Variants in UBL3 observed in about 807,000 individuals in gnomAD.
UBL3 encodes the protein ubiquitin like 3.
Under a neutral mutation model 18.4 loss-of-function variants are expected in UBL3, and 6 were observed. The observed-to-expected ratio is 0.33, with a 90% CI of 0.18 to 0.64. UBL3 has a LOEUF of 0.64. Among genes scored for constraint, UBL3 ranks in the 30% least tolerant of loss-of-function variants. The pLI is 0.76. For synonymous variants in UBL3, 49 were observed against 46.6 expected, an observed-to-expected ratio of 1.05 and a Z score of -0.21; for missense variants, 109 against 142.9, an observed-to-expected ratio of 0.76 and a Z score of 1.21.
intron 1 of UBL3, among the ~76,000 whole-genome samples, chr13:29,808,068 T>G (rs1877942947): frequency 6.6e-6 from 1 of 152,182 alleles, no homozygotes; most frequent in South Asian, 2.1e-4. Context: ...GAGGAAATTC[T>G]CAAAGCCTCT....
At chr13:29,789,341 TTTATG>T (rs752142061) in intron 1 of UBL3, among the ~76,000 whole-genome samples, 8 of 152,216 alleles carry the variant, frequency 5.3e-5, no homozygotes, top group Non-Finnish European at 1.0e-4. Flanking sequence ...GATGGTACAC[TTTATG>T]TTATATGTAT....
chr13:29,839,919 TC>T (rs1176834170), intron 1 of UBL3, among the ~76,000 whole-genome samples: 4 of 133,604 alleles, frequency 3.0e-5, no homozygotes, highest in African/African-American at 1.2e-4. Context: ...AGAGTGAGAC[TC>T]CGTCTCGGGG....
chr13:29,841,895 GT>G (rs1879110121), intron 1 of UBL3, among the ~76,000 whole-genome samples: 1 of 152,092 alleles, frequency 6.6e-6, no homozygotes. Context: ...CAGGTAAAAA[GT>G]TTTTCCTATG....
rs574144951 is a variant in UBL3 at position 29,769,892 on chromosome 13, G to A, written c.224-2197C>T. On this transcript the variant is annotated intron_variant, in intron 3 of 4. Transcript: ENST00000380680. ...GGCTTCCTACTTTGTCTGCATAATG[G>A]CTGAATTCCACCCATGGCTGTATAC... Among the ~76,000 whole-genome samples the A allele has an allele frequency of 3.1e-4, 47 of 152,130 alleles. 1 individual carries two copies. The South Asian group carries it at 4.6e-3, about 15-fold the overall frequency.
At chr13:29,773,711 G>C (rs1876908018) in intron 2 of UBL3, among the ~76,000 whole-genome samples, 1 of 151,970 alleles carries the variant, frequency 6.6e-6, no homozygotes, top group Non-Finnish European at 1.5e-5. Context: ...CTAAAATTTA[G>C]AGAAATCTTA....
chr13:29,798,699 T>C (rs1877679695), intron 1 of UBL3, among the ~76,000 whole-genome samples: 1 of 152,242 alleles, frequency 6.6e-6, no homozygotes, highest in Admixed American at 6.5e-5. Context: ...TAAGTAGTCA[T>C]ACTTGCAACA....
chr13:29,800,956 T>C (rs1877745981), intron 1 of UBL3, among the ~76,000 whole-genome samples: 1 of 152,162 alleles, frequency 6.6e-6, no homozygotes, highest in Non-Finnish European at 1.5e-5. Flanking sequence ...CAGACTGTTT[T>C]CCATATGGAT....
intron 1 of UBL3, among the ~76,000 whole-genome samples, chr13:29,824,283 ACT>A (rs1362527621): frequency 2.0e-5 from 3 of 152,198 alleles, no homozygotes; most frequent in African/African-American, 7.2e-5. Flanking sequence ...GAATCACCAC[ACT>A]GTCTTCCACA....
intron 1 of UBL3, among the ~76,000 whole-genome samples, chr13:29,825,920 T>C (rs574652269): frequency 6.6e-6 from 1 of 152,248 alleles, no homozygotes; most frequent in Non-Finnish European, 1.5e-5. Context: ...TGTTGAATTT[T>C]GTCAAAGGCC....
chr13:29,831,708 GA>G (rs762653271), intron 1 of UBL3, among the ~76,000 whole-genome samples: 14 of 140,422 alleles, frequency 1.0e-4, no homozygotes, highest in South Asian at 4.6e-4. Flanking sequence ...CTTAATGATA[GA>G]AAAAAAAAGA....
chr13:29,775,235 T>C (rs1360144885), intron 2 of UBL3, among the ~76,000 whole-genome samples: 4 of 152,218 alleles, frequency 2.6e-5, no homozygotes, highest in African/African-American at 9.6e-5. Flanking sequence ...TCTGAATCAA[T>C]CTTTTTTAGT....
At chr13:29,835,836 G>A (rs1254288640) in intron 1 of UBL3, among the ~76,000 whole-genome samples, 1 of 149,822 alleles carries the variant, frequency 6.7e-6, no homozygotes, top group Non-Finnish European at 1.5e-5. Context: ...GATAGGGCTT[G>A]TAGCATGTTT....
chr13:29,848,987 A>C (rs1194683123), intron 1 of UBL3, among the ~76,000 whole-genome samples: 1 of 152,240 alleles, frequency 6.6e-6, no homozygotes, highest in African/African-American at 2.4e-5. Context: ...TTCTGTTGCC[A>C]TCCGTATTCA....
chr13:29,805,950 C>G (rs1877887286), intron 1 of UBL3, among the ~76,000 whole-genome samples: 1 of 152,112 alleles, frequency 6.6e-6, no homozygotes, highest in Admixed American at 6.5e-5. Context: ...CCAAGGTGGG[C>G]AGATCACCTG....
chr13:29,834,198 AAAG>A (rs1431028673), intron 1 of UBL3, among the ~76,000 whole-genome samples: 2 of 150,630 alleles, frequency 1.3e-5, no homozygotes, highest in African/African-American at 2.5e-5. Flanking sequence ...AAAAAAAAAA[AAAG>A]GAGTAAGAAG....
At chr13:29,788,957 C>T (rs1222351986) in intron 1 of UBL3, among the ~76,000 whole-genome samples, 3 of 150,496 alleles carry the variant, frequency 2.0e-5, no homozygotes, top group Non-Finnish European at 3.0e-5. Context: ...TGGAGTGTAA[C>T]GGCGCAATCT....
At chr13:29,802,204 A>G (rs1425134948) in intron 1 of UBL3, among the ~76,000 whole-genome samples, 1 of 152,210 alleles carries the variant, frequency 6.6e-6, no homozygotes, top group Non-Finnish European at 1.5e-5. Flanking sequence ...CTTTGCTAAT[A>G]CACCCTGCTG....
intron 1 of UBL3, among the ~76,000 whole-genome samples, chr13:29,811,327 A>G (rs986351729): frequency 1.3e-5 from 2 of 152,124 alleles, no homozygotes; most frequent in African/African-American, 2.4e-5. Flanking sequence ...GCTAAACTCA[A>G]TATTAATTGA....
chr13:29,804,386 A>G (rs1030304164), intron 1 of UBL3, among the ~76,000 whole-genome samples: 3 of 152,150 alleles, frequency 2.0e-5, no homozygotes, highest in African/African-American at 7.2e-5. Context: ...AAGATCTCAA[A>G]TTAACAACCT....
Sources: gnomAD v4.1 joint callset for allele counts (sites outside exome capture counted in the v4.1 genomes callset) on GRCh38, gnomAD v4.1.1 for gene constraint, MANE v1.5 for transcripts, NCBI Gene and HGNC (gene_info 2026-07-23, HGNC 2026-07-21) for gene names.